Variants in MPP7 observed in about 807,000 individuals in gnomAD.
MPP7 encodes MAGUK p55 subfamily member 7.
A neutral mutation model predicts 76.5 loss-of-function variants in MPP7; 60 were observed. The ratio of observed to expected loss-of-function variants is 0.78; its 90% CI spans 0.64 to 0.97. MPP7 has a LOEUF of 0.97. MPP7 is among the 50% of genes least tolerant of loss of function. The pLI, the probability that MPP7 is intolerant of heterozygous loss-of-function variation, is 0.00. For missense variants in MPP7, 641 were observed against 694.0 expected (o/e 0.92, Z 0.86); for synonymous variants, 237 against 244.5 (o/e 0.97, Z 0.29).
chr10:28,278,292 C>T (rs759079311), intron 1 of MPP7, among the ~76,000 whole-genome samples: 1 of 152,082 alleles, frequency 6.6e-6, no homozygotes, highest in Non-Finnish European at 1.5e-5. Context: ...TCCATACCCA[C>T]TGCATTATCT....
chr10:28,126,906 G>C (rs1835034782), intron 6 of MPP7, among the ~76,000 whole-genome samples: 1 of 152,154 alleles, frequency 6.6e-6, no homozygotes, highest in Admixed American at 6.6e-5. Flanking sequence ...ATTAGAGAAA[G>C]AGACACTTGG....
intron 2 of MPP7, among the ~76,000 whole-genome samples, chr10:28,313,755 T>C (rs1249420): frequency 0.63 from 95,084 of 151,798 alleles, 29,990 homozygotes; most frequent in South Asian, 0.7. Context: ...GGCACAATCT[T>C]GGCTCACCGC....
At chr10:28,229,400 A>G (rs1259570756) in intron 2 of MPP7, among the ~76,000 whole-genome samples, 1 of 152,254 alleles carries the variant, frequency 6.6e-6, no homozygotes. Flanking sequence ...TCCAAGAATG[A>G]GCACAAATAA....
At chr10:28,279,527 G>A (rs1431033653) in intron 1 of MPP7, among the ~76,000 whole-genome samples, 13 of 151,742 alleles carry the variant, frequency 8.6e-5, no homozygotes, top group Admixed American at 1.3e-4. Context: ...TCAGGATGGC[G>A]AAACCCCATC....
intron 3 of MPP7, among the ~76,000 whole-genome samples, chr10:28,176,280 C>G (rs923448349): frequency 1.3e-5 from 2 of 151,850 alleles, no homozygotes; most frequent in African/African-American, 4.8e-5. Flanking sequence ...TAAAATAAGC[C>G]TGAGAGACCC....
At chr10:28,219,063 G>A (rs972553391) in intron 2 of MPP7, among the ~76,000 whole-genome samples, 5 of 152,060 alleles carry the variant, frequency 3.3e-5, no homozygotes, top group South Asian at 2.1e-4. Flanking sequence ...GACAAAGTAC[G>A]GAGCATAGAT....
chr10:28,238,501 T>A, intron 2 of MPP7, 67 bp downstream of exon 2: 2 of 1,522,924 alleles, frequency 1.3e-6, no homozygotes, highest in South Asian at 2.2e-5. Flanking sequence ...TAAAGCATGC[T>A]GTATTTCACT....
intron 3 of MPP7, among the ~76,000 whole-genome samples, chr10:28,178,613 C>A (rs1836954041): frequency 6.6e-6 from 1 of 152,056 alleles, no homozygotes; most frequent in Non-Finnish European, 1.5e-5. Flanking sequence ...ACCAGCTCTA[C>A]CACCTAACTG....
chr10:28,108,344 T>C (rs1834390298), intron 11 of MPP7, among the ~76,000 whole-genome samples: 2 of 152,134 alleles, frequency 1.3e-5, no homozygotes, highest in Admixed American at 6.5e-5. Flanking sequence ...ATAAGAGAGC[T>C]GAAGCAGCTG....
chr10:28,125,671 A>C (rs1834995191), intron 6 of MPP7, among the ~76,000 whole-genome samples: 1 of 152,184 alleles, frequency 6.6e-6, no homozygotes, highest in African/African-American at 2.4e-5. Context: ...AAAACCCAGA[A>C]ATTAGTTATA....
At chr10:28,209,980 C>A (rs1190657467) in intron 2 of MPP7, among the ~76,000 whole-genome samples, 2 of 152,178 alleles carry the variant, frequency 1.3e-5, no homozygotes, top group Non-Finnish European at 2.9e-5. Context: ...AGAGGAAGGG[C>A]AAATTCCCCC....
At chr10:28,187,318 C>T (rs1216527035) in intron 3 of MPP7, among the ~76,000 whole-genome samples, 1 of 152,170 alleles carries the variant, frequency 6.6e-6, no homozygotes, top group African/African-American at 2.4e-5. Flanking sequence ...TACTCAGGGT[C>T]TCAGGAATTC....
At chr10:28,311,558 G>A (rs561456483) in intron 2 of MPP7, among the ~76,000 whole-genome samples, 3 of 149,828 alleles carry the variant, frequency 2.0e-5, no homozygotes, top group African/African-American at 4.8e-5. Flanking sequence ...CAAACAAGTT[G>A]TGTCCGGTAA....
intron 2 of MPP7, among the ~76,000 whole-genome samples, chr10:28,212,547 G>C (rs1216381572): frequency 1.3e-5 from 2 of 152,118 alleles, no homozygotes; most frequent in East Asian, 3.9e-4. Context: ...TAATCCCTGG[G>C]AATCACTGGC....
At chr10:28,190,988 A>G (rs1340988487) in intron 3 of MPP7, among the ~76,000 whole-genome samples, 2 of 152,174 alleles carry the variant, frequency 1.3e-5, no homozygotes, top group East Asian at 1.9e-4. Context: ...AGGACAATAA[A>G]GAATTGTGAT....
intron 16 of MPP7, 78 bp downstream of exon 16, chr10:28,056,402 T>C: frequency 1.4e-6 from 2 of 1,450,402 alleles, no homozygotes; most frequent in Non-Finnish European, 1.9e-6. Context: ...CAAATGATCC[T>C]CCTGCTTCGG....
At chr10:28,141,667 A>G (rs1835524202) in intron 5 of MPP7, among the ~76,000 whole-genome samples, 1 of 152,132 alleles carries the variant, frequency 6.6e-6, no homozygotes, top group Non-Finnish European at 1.5e-5. Context: ...CTGGGAATAG[A>G]CTTAGCAGGA....
chr10:28,124,925 A>G, intron 7 of MPP7, 85 bp downstream of exon 7: 3 of 1,089,438 alleles, frequency 2.8e-6, no homozygotes, highest in Non-Finnish European at 4.3e-6. Context: ...AGATCCAAAG[A>G]TGGTTATCCT....
chr10:28,326,364 G>A (rs1834415673), intron 2 of MPP7, among the ~76,000 whole-genome samples: 1 of 151,966 alleles, frequency 6.6e-6, no homozygotes, highest in African/African-American at 2.4e-5. Context: ...GTTCCTCCTT[G>A]CTACCAATTG....
Sources: gnomAD v4.1 joint callset for allele counts (sites outside exome capture counted in the v4.1 genomes callset) on GRCh38, gnomAD v4.1.1 for gene constraint, MANE v1.5 for transcripts, NCBI Gene and HGNC (gene_info 2026-07-23, HGNC 2026-07-21) for gene names.